PDLIM3: variants seen among roughly 807,000 people sequenced by gnomAD.
The protein encoded by PDLIM3 is PDZ and LIM domain 3.
PDLIM3 carries 36 observed loss-of-function variants against 37.3 expected under a neutral mutation model. That is an observed-to-expected ratio of 0.97 (90% CI 0.74 to 1.28). PDLIM3 has a LOEUF of 1.28. PDLIM3 is among the 50% of genes most tolerant of loss of function. PDLIM3 has a pLI of 0.00. For missense variants in PDLIM3, 454 were observed against 485.0 expected, an observed-to-expected ratio of 0.94 and a Z score of 0.60; for synonymous variants, 174 against 182.4, an observed-to-expected ratio of 0.95 and a Z score of 0.37.
At chr4:185,517,696 C>G (rs955878803) in intron 3 of PDLIM3, 4 of 150,950 alleles carry the variant, frequency 2.6e-5, no homozygotes, top group African/African-American at 9.7e-5. Context: ...AAAAAACCAA[C>G]AACCTCTATT....
In PDLIM3 at chr4:185,504,636, C is replaced by T. The variant is rs2153331615; in HGVS notation, c.794-50G>A. The T allele has an allele frequency of 7.0e-7, 1 of 1,425,778 alleles. No homozygotes were observed. The highest frequency in any genetic ancestry group is 2.3e-5 in the East Asian group (1 of 42,558). 88.3% of individuals were successfully genotyped at this position (1,425,778 alleles called of 1,614,324 possible). On this transcript the variant is annotated intron_variant, in intron 6 of 7. Transcript: ENST00000284767. The surrounding 1 kb of genome is among the most constrained non-coding windows in gnomAD (Gnocchi z 4.7). Reference sequence around the variant, plus strand: ...ATGGCTAGGGAACAGCTGGCCGCAGCCTGTGCTTGGCTTCTATTTTAAAGT... The same window carrying T: ...ATGGCTAGGGAACAGCTGGCCGCAGTCTGTGCTTGGCTTCTATTTTAAAGT...
chr4:185,514,970 T>C lies in PDLIM3; in HGVS notation c.331-633A>G. ...TGAGCGAAACCAACAGCATCACTAC[T>C]GTTAATAAAGGCATCTTTACCCACG... On this transcript the variant is annotated intron_variant, in intron 3 of 7. Coordinates refer to ENST00000284767, the MANE Select transcript of PDLIM3 (RefSeq NM_014476.6). The surrounding 1 kb of genome is among the most constrained non-coding windows in gnomAD (Gnocchi z 4.0). 1 of 1,153,920 alleles carries C rather than the reference T, an allele frequency of 8.7e-7. No individual in the cohort carries two copies. The allele number at this position is 1,153,920 out of a possible 1,614,324, so 71.5% of individuals were successfully genotyped here.
Position 185,531,836 on chromosome 4 carries a change from G to A in PDLIM3, c.93+3506C>T, listed in dbSNP as rs538246071. 2.7e-5 allele frequency among the ~76,000 whole-genome samples: 4 copies of A among 149,612 alleles called. No individual in the cohort carries two copies. The South Asian group carries it at 8.5e-4, about 32-fold the overall frequency. On this transcript the variant is annotated intron_variant, in intron 1 of 7. Transcript: ENST00000284767. ...CAGCCAGGCGTGGTGGCTCACGACT[G>A]TAATCACTTTGGGAAGCTGAGGTGG... is the stretch of plus-strand genomic sequence containing the variant.
chr4:185,524,710 G>A lies in PDLIM3; in HGVS notation c.245+310C>T, dbSNP rs28415679. Among the ~76,000 whole-genome samples the A allele has an allele frequency of 0.021, 3,239 of 152,214 alleles. 111 individuals are homozygous for A. Among genetic ancestry groups the A allele is most frequent in the African/African-American group, 0.075 (3,095 of 41,506 alleles). ...CACACTGAGAACAGTGATATAACTA[G>A]TTGTGTTGTTCAGTGTTTATGTGGC... On this transcript the variant is annotated intron_variant, in intron 2 of 7. Coordinates refer to ENST00000284767, the MANE Select transcript of PDLIM3 (RefSeq NM_014476.6).
At chr4:185,528,925 T>C (rs2095739011) in intron 1 of PDLIM3, among the ~76,000 whole-genome samples, 1 of 152,242 alleles carries the variant, frequency 6.6e-6, no homozygotes, top group Admixed American at 6.5e-5. Flanking sequence ...TATTACTTTA[T>C]TGCATTATTA....
chr4:185,524,368 T>C (rs888076497), intron 2 of PDLIM3, among the ~76,000 whole-genome samples: 1 of 152,216 alleles, frequency 6.6e-6, no homozygotes, highest in Admixed American at 6.5e-5. Context: ...CATAACAGGA[T>C]AAACACACAC....
chr4:185,505,065 C>G (rs2095694424), intron 6 of PDLIM3, among the ~76,000 whole-genome samples: 1 of 152,170 alleles, frequency 6.6e-6, no homozygotes, highest in African/African-American at 2.4e-5. Flanking sequence ...TGGTAACTTT[C>G]ATTCTACTTT....
Position 185,514,075 on chromosome 4 carries a change from C to A in PDLIM3, c.398+195G>T, listed in dbSNP as rs1014482982. The A allele has an allele frequency of 6.0e-5, 88 of 1,476,354 alleles. No homozygotes were observed. The African/African-American group carries it at 1.2e-3, about 20-fold the overall frequency. 91.5% of individuals were successfully genotyped at this position (1,476,354 alleles called of 1,614,324 possible). A position where few individuals can be genotyped will look rare whatever the true frequency, so the allele number is the denominator to read the frequency against. Reference sequence around the variant, plus strand: ...CAATTTCACAGCTCTGTCATCTTGTCAATATTTACTCTTGGAAATGCAAGT... The same window carrying A: ...CAATTTCACAGCTCTGTCATCTTGTAAATATTTACTCTTGGAAATGCAAGT... On this transcript the variant is annotated intron_variant, in intron 4 of 7. Coordinates refer to ENST00000284767, the MANE Select transcript of PDLIM3 (RefSeq NM_014476.6). This position sits in a 1 kb window ranked among gnomAD's most constrained non-coding sequence, Gnocchi z 4.0.
Position 185,514,731 on chromosome 4 carries a change from G to A in PDLIM3, c.331-394C>T, listed in dbSNP as rs1376238689. 7 of 1,552,016 alleles carry A rather than the reference G, an allele frequency of 4.5e-6. No homozygotes were observed. The African/African-American group carries it at 6.8e-5, about 15-fold the overall frequency. The stretch of plus-strand genomic sequence containing the variant: ...TGAGGTGAGCTAGGAATGAGACCCC[G>A]CAGCTGTCCGTGAAGCGCATCTTGT... On this transcript the variant is annotated intron_variant, in intron 3 of 7. Coordinates refer to ENST00000284767, the MANE Select transcript of PDLIM3 (RefSeq NM_014476.6). This position sits in a 1 kb window ranked among gnomAD's most constrained non-coding sequence, Gnocchi z 4.0.
intron 4 of PDLIM3, among the ~76,000 whole-genome samples, 199 bp from the exon 5 acceptor site, chr4:185,508,761 T>G (rs2095702089): frequency 6.6e-6 from 1 of 152,258 alleles, no homozygotes; most frequent in African/African-American, 2.4e-5. Context: ...AATTCATGAT[T>G]GAAAAAAGTT....
At position 185,504,438 on chromosome 4, in the gene PDLIM3, C is replaced by T. The variant is rs1023684992; in HGVS notation, c.905+37G>A. The T allele has an allele frequency of 6.6e-7, 1 of 1,506,284 alleles. No individual in the cohort carries two copies. Among genetic ancestry groups the T allele is most frequent in the African/African-American group, 1.4e-5 (1 of 72,934 alleles). The allele number at this position is 1,506,284 out of a possible 1,614,324, so 93.3% of individuals were successfully genotyped here. ...GGAGAAGAAATGAACTGTCGCCAAGCTGTATCGTAAATTCCAGGGTTAAAA... is the reference window on the plus strand; with the variant it reads ...GGAGAAGAAATGAACTGTCGCCAAGTTGTATCGTAAATTCCAGGGTTAAAA... On this transcript the variant is annotated intron_variant, in intron 7 of 7. Coordinates refer to ENST00000284767, the MANE Select transcript of PDLIM3 (RefSeq NM_014476.6). This position sits in a 1 kb window ranked among gnomAD's most constrained non-coding sequence, Gnocchi z 4.7.
In PDLIM3 at chr4:185,514,655, G is replaced by A; in HGVS notation, c.331-318C>T. 10 of 1,472,620 alleles carry A rather than the reference G, an allele frequency of 6.8e-6. No homozygotes were observed. Among genetic ancestry groups the A allele is most frequent in the Non-Finnish European group, 8.2e-6 (9 of 1,097,666 alleles). The allele number at this position is 1,472,620 out of a possible 1,614,324, so 91.2% of individuals were successfully genotyped here. A position where few individuals can be genotyped will look rare whatever the true frequency, so the allele number is the denominator to read the frequency against. ...GACTTTTGAAAAGAAAAGAAACCAT[G>A]CTATCACTGTTAGGTACACTGTGGC... On this transcript the variant is annotated intron_variant, in intron 3 of 7. Transcript: ENST00000284767. The surrounding 1 kb of genome is among the most constrained non-coding windows in gnomAD (Gnocchi z 4.0).
rs1331970052 is a variant in PDLIM3, at chr4:185,525,047, G to A, written c.218C>T (p.Ala73Val). 1 of 1,614,176 alleles carries A rather than the reference G, an allele frequency of 6.2e-7. No homozygotes were observed. Among genetic ancestry groups the A allele is most frequent in the South Asian group, 1.1e-5 (1 of 91,084 alleles). ...GTCAATTTTGAGACACAGCTGGTGA[G>A]CTGCTGCTTTAATCCTGTCCTGCGC... ...ADAQDRIKAA[A>V]HQLCLKIDRG... The change falls in exon 2 of 8, where the codon GCT becomes GTT. Residue 73 changes from alanine to valine, a missense_variant. Ala to Val is a moderately conservative substitution (Grantham distance 64). Transcript: ENST00000284767.
At chr4:185,511,417 A>G (rs1305482209) in intron 4 of PDLIM3, among the ~76,000 whole-genome samples, 1 of 151,168 alleles carries the variant, frequency 6.6e-6, no homozygotes, top group Non-Finnish European at 1.5e-5. Flanking sequence ...TCTGGAGTGC[A>G]GTGGTGCAAT....
At chr4:185,507,494 A>T (rs1291899281) in intron 5 of PDLIM3, among the ~76,000 whole-genome samples, 1 of 152,180 alleles carries the variant, frequency 6.6e-6, no homozygotes, top group East Asian at 1.9e-4. Context: ...TGGCTTTGAG[A>T]TATCTTACAC....
chr4:185,524,932 C>T, intron 2 of PDLIM3, 88 bp downstream of exon 2: 1 of 1,368,494 alleles, frequency 7.3e-7, no homozygotes, highest in Non-Finnish European at 1.0e-6. Flanking sequence ...TGTGGCCCTC[C>T]TTGCTGGGAG....
intron 1 of PDLIM3, among the ~76,000 whole-genome samples, chr4:185,530,967 AACACACACACACACACACACAT>A (rs1238699388): frequency 3.1e-3 from 160 of 51,480 alleles, no homozygotes; most frequent in African/African-American, 9.4e-3. Context: ...CATGCATAGA[AACACACACACACACACACACAT>A]ACACACACAC....
At chr4:185,518,526 A>G (rs895594916) in intron 3 of PDLIM3, among the ~76,000 whole-genome samples, 5 of 152,154 alleles carry the variant, frequency 3.3e-5, no homozygotes, top group Admixed American at 2.6e-4. Context: ...TGGTGGGCAT[A>G]TAAGAGAAAC....
At chr4:185,524,921 C>T (rs1483974518) in intron 2 of PDLIM3, 99 bp downstream of exon 2, 2 of 1,183,304 alleles carry the variant, frequency 1.7e-6, no homozygotes, top group Admixed American at 1.7e-5. Flanking sequence ...AATACTAGGT[C>T]TGTGGCCCTC....
Sources: allele counts gnomAD v4.1 joint callset (sites outside exome capture counted in the v4.1 genomes callset), GRCh38; gene constraint gnomAD v4.1.1; non-coding constraint Gnocchi (gnomAD v3.1); transcripts MANE v1.5; gene names NCBI Gene and HGNC (gene_info 2026-07-23, HGNC 2026-07-21).